Variants in SYTL3 observed in about 807,000 individuals in gnomAD.
SYTL3 encodes the protein synaptotagmin like 3, also known as synaptotagmin-like protein 3.
SYTL3 carries 88 observed loss-of-function variants against 82.1 expected under a neutral mutation model. The observed-to-expected ratio is 1.07, with a 90% confidence interval of 0.90 to 1.28. The LOEUF (loss-of-function observed/expected upper bound fraction) is 1.28, where lower values mean the gene tolerates loss of function less well. Among genes scored for constraint, SYTL3 ranks in the 50% most tolerant of loss-of-function variants. The pLI, the probability that SYTL3 is intolerant of heterozygous loss-of-function variation, is 0.00. For missense variants in SYTL3, 831 were observed against 757.6 expected (o/e 1.10, Z -1.14); for synonymous variants, 311 against 289.4 (o/e 1.07, Z -0.76).
At chr6:158,747,945 A>G (rs1309575906) in intron 12 of SYTL3, among the ~76,000 whole-genome samples, 2 of 151,892 alleles carry the variant, frequency 1.3e-5, no homozygotes, top group African/African-American at 4.8e-5. Context: ...GTTTATTATG[A>G]CTTTTCTTGT....
In SYTL3 at chr6:158,725,362, C is replaced by G. The variant is rs888871502; in HGVS notation, c.721-141C>G. 2.4e-5 allele frequency: 20 copies of G among 831,230 alleles called. No homozygotes were observed. In the African/African-American group the frequency reaches 3.3e-4, roughly 14 times the overall value. 51.5% of individuals were successfully genotyped at this position (831,230 alleles called of 1,614,324 possible). ...GTGTGTGCGCACGTGCACGCATTTA[C>G]CAAATGCAGGTGTGTCCTCCTACTC... On this transcript the variant is annotated intron_variant, in intron 10 of 17. Transcript: ENST00000611299.
At chr6:158,763,581 G>A (rs1438229784) in intron 17 of SYTL3, 72 bp downstream of exon 17, 1 of 1,348,216 alleles carries the variant, frequency 7.4e-7, no homozygotes, top group African/African-American at 1.5e-5. Context: ...CAAAGAAAAT[G>A]CTTCCACCAG....
intron 6 of SYTL3, among the ~76,000 whole-genome samples, chr6:158,689,435 G>A (rs1327812807): frequency 1.3e-5 from 2 of 152,162 alleles, no homozygotes; most frequent in East Asian, 1.9e-4. Context: ...GGTATGTGAA[G>A]GCGATTAGTC....
At chr6:158,742,574 T>G (rs1787072000) in intron 11 of SYTL3, among the ~76,000 whole-genome samples, 1 of 151,940 alleles carries the variant, frequency 6.6e-6, no homozygotes, top group Admixed American at 6.6e-5. Context: ...AGCATTTTTT[T>G]TTTTTTGCTT....
At chr6:158,757,104 C>A in intron 13 of SYTL3, 107 bp from the exon 14 acceptor site, 2 of 1,124,580 alleles carry the variant, frequency 1.8e-6, no homozygotes, top group Non-Finnish European at 2.5e-6. Flanking sequence ...GGGAGGCCTG[C>A]GCCAGGCCCC....
At chr6:158,761,565 C>T (rs3102979) in intron 15 of SYTL3, among the ~76,000 whole-genome samples, 60,735 of 151,476 alleles carry the variant, frequency 0.4, 13,505 homozygotes, top group African/African-American at 0.58. Flanking sequence ...ACCTTGGCCT[C>T]CCAAAGTGCT....
intron 11 of SYTL3, among the ~76,000 whole-genome samples, chr6:158,734,585 A>G (rs1785890374): frequency 6.6e-6 from 1 of 152,126 alleles, no homozygotes; most frequent in South Asian, 2.1e-4. Context: ...ATCACAAGTC[A>G]TGCAGTCCCT....
At chr6:158,695,006 A>G (rs1780406289) in intron 6 of SYTL3, among the ~76,000 whole-genome samples, 2 of 152,188 alleles carry the variant, frequency 1.3e-5, no homozygotes. Flanking sequence ...TTATTTTACT[A>G]AATACTCCCT....
chr6:158,728,802 C>T (rs974140718), intron 11 of SYTL3, among the ~76,000 whole-genome samples: 5 of 152,092 alleles, frequency 3.3e-5, no homozygotes, highest in East Asian at 1.9e-4. Context: ...TAGCCGGGCG[C>T]GGTGGCGCCA....
In SYTL3 at chr6:158,707,262, C is replaced by T. The variant is rs771403624; in HGVS notation, c.427C>T (p.Gln143Ter). The T allele has an allele frequency of 6.2e-7, 1 of 1,613,858 alleles. No homozygotes were observed. The highest frequency in any genetic ancestry group is 2.2e-5 in the East Asian group (1 of 44,892). Residue 143 changes from glutamine (Q) to a stop codon, truncating the protein, a stop_gained, in exon 7 of 18, where the codon CAA becomes TAA. Coordinates refer to ENST00000611299, the MANE Select transcript of SYTL3 (RefSeq NM_001242394.2). LOFTEE classifies it high-confidence loss of function. ...TGAGACAGTTGGAGGGCAGCTCTTG[C>T]AATCTTATCAGAAGCTGAGGTGAGT... Reference protein sequence around the residue: ...KHETVGGQLLQSYQKLSKISV... With the variant: ...KHETVGGQLL
intron 5 of SYTL3, among the ~76,000 whole-genome samples, chr6:158,678,288 A>G (rs1208244320): frequency 6.6e-6 from 1 of 152,144 alleles, no homozygotes; most frequent in Non-Finnish European, 1.5e-5. Context: ...TTCTTTAGGG[A>G]TTTGAAGAAT....
chr6:158,734,012 G>C (rs1019085805), intron 11 of SYTL3, among the ~76,000 whole-genome samples: 1 of 148,200 alleles, frequency 6.7e-6, no homozygotes, highest in Non-Finnish European at 1.5e-5. Context: ...GCAGAATGGC[G>C]TGAACCTGGG....
intron 9 of SYTL3, 122 bp from the exon 10 acceptor site, chr6:158,717,965 C>A: frequency 1.1e-6 from 1 of 904,334 alleles, no homozygotes. Flanking sequence ...CCTCCGTGCA[C>A]TTTGCCCTCT....
At chr6:158,717,147 A>ACT (rs144626668) in intron 9 of SYTL3, among the ~76,000 whole-genome samples, 6,403 of 152,072 alleles carry the variant, frequency 0.042, 270 homozygotes, top group African/African-American at 0.11. Flanking sequence ...GGTGACACAC[A>ACT]CCTGTAATCC....
chr6:158,722,955 A>C (rs982991360), intron 10 of SYTL3, among the ~76,000 whole-genome samples: 13 of 150,826 alleles, frequency 8.6e-5, no homozygotes, highest in African/African-American at 2.9e-4. Context: ...TAGTAGAGAC[A>C]GGGTTTCTCC....
chr6:158,667,142 C>T (rs1284687168), intron 5 of SYTL3, among the ~76,000 whole-genome samples: 1 of 152,186 alleles, frequency 6.6e-6, no homozygotes, highest in Non-Finnish European at 1.5e-5. Flanking sequence ...TTACATTTCT[C>T]AGCATTTTTT....
At chr6:158,760,893 T>C (rs927733417) in intron 15 of SYTL3, 148 bp downstream of exon 15, 2 of 667,710 alleles carry the variant, frequency 3.0e-6, no homozygotes, top group East Asian at 2.8e-5. Context: ...TTCTGAGCCA[T>C]GCAGCGAGCC....
At chr6:158,717,628 G>A (rs1197280212) in intron 9 of SYTL3, among the ~76,000 whole-genome samples, 1 of 152,096 alleles carries the variant, frequency 6.6e-6, no homozygotes, top group Non-Finnish European at 1.5e-5. Flanking sequence ...TTGTTATGAG[G>A]ACACCCCAAA....
intron 8 of SYTL3, among the ~76,000 whole-genome samples, chr6:158,709,455 A>C (rs964881448): frequency 2.6e-5 from 4 of 152,316 alleles, no homozygotes; most frequent in Non-Finnish European, 4.4e-5. Context: ...TCACACCATC[A>C]TCAAGTCAGA....
Sources: allele counts gnomAD v4.1 joint callset (sites outside exome capture counted in the v4.1 genomes callset), GRCh38; gene constraint gnomAD v4.1.1; transcripts MANE v1.5; gene names NCBI Gene and HGNC (gene_info 2026-07-23, HGNC 2026-07-21).